Variants in PLA2G4F observed in about 807,000 individuals in gnomAD.
PLA2G4F encodes cytosolic phospholipase A2 zeta.
PLA2G4F carries 105 observed loss-of-function variants against 103.1 expected under a neutral mutation model. That is an observed-to-expected ratio of 1.02 (90% CI 0.87 to 1.20). The LOEUF (loss-of-function observed/expected upper bound fraction) is 1.20, where lower values mean the gene tolerates loss of function less well. Ranked by LOEUF, PLA2G4F falls within the 50% of genes most tolerant of loss-of-function variation. The probability of loss-of-function intolerance (pLI) is 0.00; values close to 1 mark genes in which losing one functional copy is unlikely to be tolerated. For synonymous variants in PLA2G4F, 468 were observed against 441.1 expected (o/e 1.06, Z -0.76); for missense variants, 1,155 against 1,075.9 (o/e 1.07, Z -1.03).
chr15:42,153,171 C>G (rs1410696027), intron 6 of PLA2G4F, 129 bp downstream of exon 6: 3 of 1,127,962 alleles, frequency 2.7e-6, no homozygotes, highest in Non-Finnish European at 3.8e-6. Context: ...GGAGGTGCCT[C>G]CCTAGCACAT....
Position 42,147,348 on chromosome 15 carries a change from TG to T in PLA2G4F, c.1197-3del, listed in dbSNP as rs766372908. On this transcript the variant is annotated splice_region_variant and splice_polypyrimidine_tract_variant and intron_variant, in intron 12 of 19. Transcript: ENST00000397272. ...TCCCTGTAGAGTGTGGAGATGCACC[TG>T]GGGATTGGAGGTGTGCCTGAGTCAG... is the stretch of plus-strand genomic sequence containing the variant. The T allele has an allele frequency of 4.4e-6, 7 of 1,604,224 alleles. No individual in the cohort carries two copies. The highest frequency in any genetic ancestry group is 5.1e-6 in the Non-Finnish European group (6 of 1,179,402).
chr15:42,145,552 G>T, intron 16 of PLA2G4F, 23 bp downstream of exon 16: 2 of 1,601,752 alleles, frequency 1.2e-6, no homozygotes, highest in Non-Finnish European at 1.7e-6. Flanking sequence ...GGTGTGGGAG[G>T]GGCTCGGGGT....
intron 17 of PLA2G4F, 49 bp downstream of exon 17, chr15:42,144,401 T>C (rs636535): frequency 0.66 from 1,051,371 of 1,593,846 alleles, 354,480 homozygotes; most frequent in African/African-American, 0.9. Context: ...GAGCCAGAGG[T>C]GCAGGCAGGA....
At chr15:42,143,000 G>A (rs1467347538) in intron 18 of PLA2G4F, among the ~76,000 whole-genome samples, 1 of 151,932 alleles carries the variant, frequency 6.6e-6, no homozygotes, top group African/African-American at 2.4e-5. Flanking sequence ...CCAACATGGT[G>A]AAACCCCGTC....
At position 42,141,276 on chromosome 15, in the gene PLA2G4F, C is replaced by A. The variant is rs1217763670; in HGVS notation, c.*708G>T. 6.6e-6 allele frequency: 3 copies of A among 456,588 alleles called. No individual in the cohort carries two copies. Among genetic ancestry groups the A allele is most frequent in the Admixed American group, 2.3e-5 (1 of 42,558 alleles). 28.3% of individuals were successfully genotyped at this position (456,588 alleles called of 1,614,324 possible). The stretch of plus-strand genomic sequence containing the variant: ...ATCACCAGAGACTGTGGTCCAGGTT[C>A]GAAGAGTGAAGCCTGGGTAACTGGC... On this transcript the variant is annotated 3_prime_UTR_variant, in exon 20 of 20. Coordinates refer to ENST00000397272, the MANE Select transcript of PLA2G4F (RefSeq NM_213600.4).
In PLA2G4F at chr15:42,141,986, A is replaced by G. The variant is rs1265578400; in HGVS notation, c.2548T>C (p.Ter850ArgextTer136). ...CAGTCCTCCGCTTCCTGCCTTGGTCAGGCCCCTGCCCTCTCCCGAGCCTGG... is the reference window on the plus strand; with the variant it reads ...CAGTCCTCCGCTTCCTGCCTTGGTCGGGCCCCTGCCCTCTCCCGAGCCTGG... ...RHQARERAGA[*>R] Residue 850 changes from the stop codon to arginine, a stop_lost, in exon 20 of 20, where the codon TGA (stop) becomes CGA (arginine). Coordinates refer to ENST00000397272, the MANE Select transcript of PLA2G4F (RefSeq NM_213600.4). 5 of 1,613,042 alleles carry G rather than the reference A, an allele frequency of 3.1e-6. No homozygotes were observed. The South Asian group carries it at 5.5e-5, about 18-fold the overall frequency.
chr15:42,146,356 C>T (rs1032249831), intron 13 of PLA2G4F, 115 bp from the exon 14 acceptor site: 35 of 980,104 alleles, frequency 3.6e-5, no homozygotes, highest in Middle Eastern at 2.8e-4. Context: ...GGCTTTGGGT[C>T]GCCAAGGCCA....
chr15:42,156,167 G>A (rs1156819345), intron 1 of PLA2G4F, among the ~76,000 whole-genome samples: 1 of 152,128 alleles, frequency 6.6e-6, no homozygotes, highest in Non-Finnish European at 1.5e-5. Flanking sequence ...AACCCCACCA[G>A]CTCCGTGGAC....
intron 18 of PLA2G4F, among the ~76,000 whole-genome samples, chr15:42,143,687 G>A (rs1407225613): frequency 6.6e-6 from 1 of 152,158 alleles, no homozygotes; most frequent in East Asian, 1.9e-4. Flanking sequence ...CTAGAACTGG[G>A]GGATCTTCTA....
chr15:42,148,478 C>A, intron 11 of PLA2G4F: 1 of 379,284 alleles, frequency 2.6e-6, no homozygotes, highest in Non-Finnish European at 3.6e-6. Context: ...TGTTTAGCAG[C>A]ATTTCTGGCC....
intron 9 of PLA2G4F, 70 bp from the exon 10 acceptor site, chr15:42,150,211 C>T: frequency 6.2e-7 from 1 of 1,604,018 alleles, no homozygotes. Context: ...GCTCCCCCAC[C>T]TGCAGCCCTT....
rs1376621983 is a variant in PLA2G4F, at chr15:42,140,881, C to T, written c.*1103G>A. On this transcript the variant is annotated 3_prime_UTR_variant, in exon 20 of 20. Transcript: ENST00000397272. ...CACTGGAGGCATATGCTGCAGAGGC[C>T]GTGGCCAGATGGAGAGGGCCTGGCC... The T allele has an allele frequency of 2.9e-5, 7 of 245,546 alleles. No individual in the cohort carries two copies. Among genetic ancestry groups the T allele is most frequent in the African/African-American group, 1.1e-4 (5 of 45,484 alleles). The allele number at this position is 245,546 out of a possible 1,614,324, so 15.2% of individuals were successfully genotyped here.
In PLA2G4F at chr15:42,153,625, C is replaced by G; in HGVS notation, c.486G>C (p.Glu162Asp). Residue 162 changes from glutamate to aspartate, a missense_variant, in exon 5 of 20, where the codon GAG becomes GAC. By Grantham distance (45) the Glu-to-Asp change is conservative. Coordinates refer to ENST00000397272, the MANE Select transcript of PLA2G4F (RefSeq NM_213600.4). ...SQELQVEFVL[E>D]KSQVPASEVI... ...TTGGCTCTACCAGAACTCACCTCTT[C>G]TCCAGAACAAATTCCACCTGCAGCT... 1 of 1,614,210 alleles carries G rather than the reference C, an allele frequency of 6.2e-7. No homozygotes were observed. Among genetic ancestry groups the G allele is most frequent in the Non-Finnish European group, 8.5e-7 (1 of 1,180,042 alleles).
intron 11 of PLA2G4F, 156 bp from the exon 12 acceptor site, chr15:42,147,918 C>G: frequency 5.0e-6 from 6 of 1,211,456 alleles, no homozygotes; most frequent in Non-Finnish European, 6.8e-6. Flanking sequence ...CAGCCAGGCA[C>G]AGTGGCTCAC....
intron 18 of PLA2G4F, among the ~76,000 whole-genome samples, 158 bp downstream of exon 18, chr15:42,143,820 C>G (rs980486827): frequency 6.6e-6 from 1 of 152,118 alleles, no homozygotes; most frequent in Non-Finnish European, 1.5e-5. Context: ...GAAGGCAGCT[C>G]CCTCACACAC....
Position 42,149,201 on chromosome 15 carries a change from G to T in PLA2G4F, c.1059+512C>A, listed in dbSNP as rs537160249. ...CTGTGTTGAAGCCCTAACCCCCAAT[G>T]TGACAGTATTTGGAAACAGGGCCTA... On this transcript the variant is annotated intron_variant, in intron 11 of 19. Transcript: ENST00000397272. The T allele has an allele frequency of 4.1e-6, 4 of 972,040 alleles. No individual in the cohort carries two copies. The East Asian group carries it at 3.4e-4, about 83-fold the overall frequency. The allele number at this position is 972,040 out of a possible 1,614,324, so 60.2% of individuals were successfully genotyped here.
chr15:42,155,113 G>A (rs530975868), intron 2 of PLA2G4F, among the ~76,000 whole-genome samples: 4 of 151,430 alleles, frequency 2.6e-5, no homozygotes, highest in South Asian at 4.2e-4. Context: ...ACACACTCAC[G>A]TTCACACACA....
chr15:42,150,045 G>C (rs951981965), intron 10 of PLA2G4F, 59 bp downstream of exon 10: 2 of 1,606,140 alleles, frequency 1.2e-6, no homozygotes, highest in Non-Finnish European at 1.7e-6. Context: ...GCACGTTGGG[G>C]TATGTCCCCG....
At chr15:42,156,378 G>A (rs2049015153) in intron 1 of PLA2G4F, 61 bp downstream of exon 1, 5 of 1,386,598 alleles carry the variant, frequency 3.6e-6, no homozygotes, top group Non-Finnish European at 5.0e-6. Context: ...GTCTTCACAG[G>A]GCACTGCAGC....
Sources: allele counts gnomAD v4.1 joint callset (sites outside exome capture counted in the v4.1 genomes callset), GRCh38; gene constraint gnomAD v4.1.1; transcripts MANE v1.5; gene names NCBI Gene and HGNC (gene_info 2026-07-23, HGNC 2026-07-21).